GPATCH2: variants seen among roughly 807,000 people sequenced by gnomAD.
GPATCH2 encodes G patch domain-containing protein 2.
Under a neutral mutation model 58.0 loss-of-function variants are expected in GPATCH2, and 51 were observed. The ratio of observed to expected loss-of-function variants is 0.88; its 90% confidence interval spans 0.70 to 1.11. The LOEUF is 1.11. GPATCH2 is among the 50% of genes most tolerant of loss of function. The pLI is 0.00. For missense variants in GPATCH2, 625 were observed against 652.2 expected (o/e 0.96, Z 0.45); for synonymous variants, 222 against 218.5 (o/e 1.02, Z -0.14).
intron 5 of GPATCH2, among the ~76,000 whole-genome samples, chr1:217,585,026 T>C (rs1667272222): frequency 6.6e-6 from 1 of 152,146 alleles, no homozygotes; most frequent in African/African-American, 2.4e-5. Context: ...ATATAATGCA[T>C]AATAGACCTT....
At chr1:217,491,862 C>CTTTTTTTTTTTTTTT (rs34921892) in intron 7 of GPATCH2, 112 bp from the exon 8 acceptor site, 2 of 320,698 alleles carry the variant, frequency 6.2e-6, no homozygotes, top group African/African-American at 2.4e-5. Flanking sequence ...ATTTGCACGG[C>CTTTTTTTTTTTTTTT]TTTTTTTTTT....
chr1:217,584,406 G>A (rs909983057), intron 5 of GPATCH2, among the ~76,000 whole-genome samples: 1 of 146,908 alleles, frequency 6.8e-6, no homozygotes, highest in Admixed American at 7.1e-5. Flanking sequence ...GCAGGCACCC[G>A]TAATCCCAGC....
intron 5 of GPATCH2, among the ~76,000 whole-genome samples, chr1:217,548,955 C>T (rs1479495400): frequency 6.6e-6 from 1 of 152,176 alleles, no homozygotes; most frequent in Non-Finnish European, 1.5e-5. Context: ...CAGACTAATA[C>T]ATGGGGAGAT....
At position 217,556,584 on chromosome 1, in the gene GPATCH2, TACC is replaced by T. The variant is rs564035187; in HGVS notation, c.1099-41698_1099-41696del. Among the ~76,000 whole-genome samples, 3 of 152,348 alleles carry T rather than the reference TACC, an allele frequency of 2.0e-5. No individual in the cohort carries two copies. In the South Asian group the frequency reaches 6.2e-4, roughly 32 times the overall value. ...AATATAGTATTCCACTGAATGAATA[TACC>T]ACAATTTATCCATTTTCCTGCCAAG... On this transcript the variant is annotated intron_variant, in intron 5 of 9. Coordinates refer to ENST00000366935, the MANE Select transcript of GPATCH2 (RefSeq NM_018040.5).
intron 7 of GPATCH2, among the ~76,000 whole-genome samples, chr1:217,492,248 A>G (rs1661779654): frequency 6.6e-6 from 1 of 152,202 alleles, no homozygotes; most frequent in African/African-American, 2.4e-5. Flanking sequence ...CTGGCCTAAC[A>G]TGGTAAAGAA....
chr1:217,471,242 T>C (rs1166365745), intron 8 of GPATCH2, among the ~76,000 whole-genome samples: 1 of 152,132 alleles, frequency 6.6e-6, no homozygotes, highest in Non-Finnish European at 1.5e-5. Context: ...TCACTTGCTA[T>C]TGTTGATATA....
intron 5 of GPATCH2, among the ~76,000 whole-genome samples, chr1:217,536,634 C>A (rs1322179929): frequency 6.6e-6 from 1 of 152,010 alleles, no homozygotes; most frequent in South Asian, 2.1e-4. Context: ...TAGATGGTAA[C>A]CTCTACAAGT....
intron 9 of GPATCH2, among the ~76,000 whole-genome samples, chr1:217,448,100 G>GA (rs796368256): frequency 0.024 from 2,787 of 115,592 alleles, 32 homozygotes; most frequent in Middle Eastern, 0.037. Context: ...CTCTGTCTCA[G>GA]AAAAAAAAAA....
chr1:217,569,122 TA>T (rs879715276), intron 5 of GPATCH2, among the ~76,000 whole-genome samples: 148 of 145,216 alleles, frequency 1.0e-3, no homozygotes, highest in Non-Finnish European at 9.9e-4. Flanking sequence ...ATATTTACTT[TA>T]AAAAAAAAAA....
At chr1:217,621,890 G>A (rs1204295708) in intron 1 of GPATCH2, among the ~76,000 whole-genome samples, 2 of 152,170 alleles carry the variant, frequency 1.3e-5, no homozygotes, top group Non-Finnish European at 1.5e-5. Context: ...ATTTCTAAGT[G>A]TTTTACATAT....
chr1:217,498,649 C>T (rs1662128585), intron 6 of GPATCH2: 1 of 570,650 alleles, frequency 1.8e-6, no homozygotes, highest in African/African-American at 1.9e-5. Flanking sequence ...ATTATGTTAA[C>T]ATAAACTGCT....
chr1:217,576,152 C>T (rs892722190), intron 5 of GPATCH2, among the ~76,000 whole-genome samples: 3 of 152,048 alleles, frequency 2.0e-5, no homozygotes, highest in African/African-American at 4.8e-5. Flanking sequence ...TGATTATGTA[C>T]CTCCTATCCC....
At position 217,440,269 on chromosome 1, in the gene GPATCH2, T is replaced by C. The variant is rs1558393164; in HGVS notation, c.1367-8904A>G. Reference sequence around the variant, plus strand: ...AGAACCAATGACAAAAACCACGTGATTATTTCAACAGACACAGAAAAGCCT... The same window carrying C: ...AGAACCAATGACAAAAACCACGTGACTATTTCAACAGACACAGAAAAGCCT... On this transcript the variant is annotated intron_variant, in intron 9 of 9. Transcript: ENST00000366935. 4.6e-5 allele frequency among the ~76,000 whole-genome samples: 7 copies of C among 152,328 alleles called. No individual in the cohort carries two copies. The South Asian group carries it at 1.5e-3, about 32-fold the overall frequency.
At chr1:217,576,189 A>C (rs1350751776) in intron 5 of GPATCH2, among the ~76,000 whole-genome samples, 1 of 152,186 alleles carries the variant, frequency 6.6e-6, no homozygotes, top group Non-Finnish European at 1.5e-5. Flanking sequence ...TTTATAATTC[A>C]ACAATGCATT....
chr1:217,476,235 A>AGTGTGTGTGTGTGTGT (rs60995546), intron 8 of GPATCH2, among the ~76,000 whole-genome samples: 2,090 of 146,372 alleles, frequency 0.014, 29 homozygotes, highest in Middle Eastern at 0.045. Flanking sequence ...TCCAGATATG[A>AGTGTGTGTGTGTGTGT]GTGTGTGTGT....
intron 7 of GPATCH2, 91 bp downstream of exon 7, chr1:217,498,265 T>C: frequency 1.0e-6 from 1 of 976,198 alleles, no homozygotes. Flanking sequence ...TTGTATTTTT[T>C]CTCATAAAGC....
intron 8 of GPATCH2, among the ~76,000 whole-genome samples, chr1:217,472,296 C>CTTTTTTT (rs11326840): frequency 7.8e-5 from 7 of 90,018 alleles, no homozygotes; most frequent in Admixed American, 1.5e-4. Flanking sequence ...TTTCAACAGA[C>CTTTTTTT]TTTTTTTTTT....
At position 217,443,516 on chromosome 1, in the gene GPATCH2, A is replaced by G. The variant is rs781707239; in HGVS notation, c.1366+5733T>C. Among the ~76,000 whole-genome samples the G allele has an allele frequency of 3.3e-5, 5 of 152,104 alleles. 1 individual carries two copies. The highest frequency in any genetic ancestry group is 7.4e-5 in the Non-Finnish European group (5 of 68,010). The stretch of plus-strand genomic sequence containing the variant: ...TACAATGTGACTTTATTTATATTTA[A>G]TATTTCTTGATATAGACTCGTACTT... On this transcript the variant is annotated intron_variant, in intron 9 of 9. Coordinates refer to ENST00000366935, the MANE Select transcript of GPATCH2 (RefSeq NM_018040.5).
chr1:217,586,119 T>C (rs1286241468), intron 5 of GPATCH2, among the ~76,000 whole-genome samples: 1 of 152,204 alleles, frequency 6.6e-6, no homozygotes, highest in Non-Finnish European at 1.5e-5. Context: ...AGAACACTTC[T>C]AGACACTAAT....
Sources: gnomAD v4.1 joint callset for allele counts (sites outside exome capture counted in the v4.1 genomes callset) on GRCh38, gnomAD v4.1.1 for gene constraint, MANE v1.5 for transcripts, NCBI Gene and HGNC (gene_info 2026-07-23, HGNC 2026-07-21) for gene names.